NALF1: variants seen among roughly 807,000 people sequenced by gnomAD.
The protein encoded by NALF1 is family with sequence similarity 155 member A.
In NALF1, 3 loss-of-function variants were observed where a neutral mutation model predicts 48.4. The ratio of observed to expected loss-of-function variants is 0.06; its 90% CI spans 0.03 to 0.16. The LOEUF is 0.16. Ranked by LOEUF, NALF1 falls within the 10% of genes least tolerant of loss-of-function variation. NALF1 has a pLI of 1.00. For missense variants in NALF1, 526 were observed against 571.5 expected (o/e 0.92, Z 0.81); for synonymous variants, 262 against 245.7 (o/e 1.07, Z -0.62).
At chr13:107,545,119 A>C (rs551346937) in intron 1 of NALF1, among the ~76,000 whole-genome samples, 1 of 152,354 alleles carries the variant, frequency 6.6e-6, no homozygotes, top group Admixed American at 6.5e-5. Flanking sequence ...AGATGCAGTC[A>C]AGTTAAGATG....
intron 1 of NALF1, among the ~76,000 whole-genome samples, chr13:107,770,576 C>G (rs1877550749): frequency 6.6e-6 from 1 of 152,178 alleles, no homozygotes; most frequent in Non-Finnish European, 1.5e-5. Flanking sequence ...ACCATGGTTT[C>G]ACAAGTAAGT....
At chr13:107,542,642 C>T (rs181067630) in intron 1 of NALF1, among the ~76,000 whole-genome samples, 6 of 152,190 alleles carry the variant, frequency 3.9e-5, no homozygotes, top group Non-Finnish European at 8.8e-5. Context: ...AGTATAAAGT[C>T]TGAGCCCAAA....
intron 1 of NALF1, among the ~76,000 whole-genome samples, chr13:107,604,123 T>C: frequency 6.6e-6 from 1 of 152,140 alleles, no homozygotes; most frequent in East Asian, 1.9e-4. Context: ...AAAGTTAAAA[T>C]ATTAATACCG....
chr13:107,556,462 A>T (rs1355632939), intron 1 of NALF1, among the ~76,000 whole-genome samples: 2 of 151,658 alleles, frequency 1.3e-5, no homozygotes, highest in African/African-American at 4.8e-5. Flanking sequence ...GCCACACTGA[A>T]TTCATTATCT....
At chr13:107,482,528 A>T (rs1316722799) in intron 1 of NALF1, among the ~76,000 whole-genome samples, 1 of 152,194 alleles carries the variant, frequency 6.6e-6, no homozygotes, top group Admixed American at 6.5e-5. Context: ...CAAGGGAAGA[A>T]AGGGAGAAAC....
chr13:107,706,857 T>C (rs1008115229), intron 1 of NALF1, among the ~76,000 whole-genome samples: 7 of 152,160 alleles, frequency 4.6e-5, no homozygotes, highest in African/African-American at 7.2e-5. Context: ...ATACAACTGC[T>C]TAATTGTTGA....
At chr13:107,422,774 C>T (rs1884213297) in intron 1 of NALF1, among the ~76,000 whole-genome samples, 1 of 151,894 alleles carries the variant, frequency 6.6e-6, no homozygotes, top group South Asian at 2.1e-4. Flanking sequence ...TCTTGGTGGG[C>T]TTAATATAAT....
intron 1 of NALF1, among the ~76,000 whole-genome samples, chr13:107,288,467 G>A (rs573932155): frequency 2.0e-5 from 3 of 150,732 alleles, no homozygotes; most frequent in East Asian, 2.0e-4. Flanking sequence ...TGATTCACCC[G>A]CCTCAACCTC....
chr13:107,180,002 T>C (rs746195366), intron 2 of NALF1, among the ~76,000 whole-genome samples: 22 of 147,870 alleles, frequency 1.5e-4, no homozygotes, highest in African/African-American at 5.3e-4. Context: ...AAAGACTCTA[T>C]TTTCAAATAA....
intron 1 of NALF1, among the ~76,000 whole-genome samples, chr13:107,854,638 C>T (rs1351466534): frequency 6.6e-6 from 1 of 151,952 alleles, no homozygotes; most frequent in South Asian, 2.1e-4. Flanking sequence ...TTTGGGAGGC[C>T]GAGGCGGGCA....
intron 1 of NALF1, among the ~76,000 whole-genome samples, chr13:107,259,060 A>T (rs1301644163): frequency 6.6e-6 from 1 of 152,102 alleles, no homozygotes; most frequent in Non-Finnish European, 1.5e-5. Context: ...TTCCTTCATT[A>T]CATTTCCACG....
rs146300422 is a variant in NALF1, at chr13:107,416,501, C to G, written c.916-205746G>C. On this transcript the variant is annotated intron_variant, in intron 1 of 2. Coordinates refer to ENST00000375915, the MANE Select transcript of NALF1 (RefSeq NM_001080396.3). Reference sequence around the variant, plus strand: ...GGATGAAGACCTCTATGATTATCCACTTCCACTTAAATAATAGTAAATATA... The same window carrying G: ...GGATGAAGACCTCTATGATTATCCAGTTCCACTTAAATAATAGTAAATATA... Among the ~76,000 whole-genome samples, 10 of 152,272 alleles carry G rather than the reference C, an allele frequency of 6.6e-5. No individual in the cohort carries two copies. The East Asian group carries it at 1.9e-3, about 29-fold the overall frequency.
intron 1 of NALF1, among the ~76,000 whole-genome samples, chr13:107,821,162 G>C (rs907725049): frequency 1.3e-5 from 2 of 152,010 alleles, no homozygotes; most frequent in Non-Finnish European, 2.9e-5. Flanking sequence ...TTGTAGTTTT[G>C]TTGACATAGT....
intron 1 of NALF1, among the ~76,000 whole-genome samples, chr13:107,499,696 G>A (rs7338635): frequency 0.078 from 11,818 of 152,046 alleles, 608 homozygotes; most frequent in African/African-American, 0.13. Flanking sequence ...AGACCCAAGG[G>A]AAAAAATAAT....
intron 1 of NALF1, among the ~76,000 whole-genome samples, chr13:107,502,335 A>C (rs1412992794): frequency 6.6e-6 from 1 of 152,292 alleles, no homozygotes; most frequent in Non-Finnish European, 1.5e-5. Flanking sequence ...AAATGCAAAC[A>C]GTCTTTCTCC....
chr13:107,634,354 A>G (rs567380729), intron 1 of NALF1, among the ~76,000 whole-genome samples: 22 of 152,272 alleles, frequency 1.4e-4, no homozygotes, highest in Admixed American at 1.1e-3. Flanking sequence ...CCTAAAGCCC[A>G]TATTTCACCA....
chr13:107,679,442 T>C (rs1296989061), intron 1 of NALF1, among the ~76,000 whole-genome samples: 2 of 152,150 alleles, frequency 1.3e-5, no homozygotes, highest in African/African-American at 4.8e-5. Context: ...GGGGGCTGGG[T>C]GAGGGAGGGG....
At chr13:107,367,464 T>A (rs1046668876) in intron 1 of NALF1, among the ~76,000 whole-genome samples, 3 of 152,180 alleles carry the variant, frequency 2.0e-5, no homozygotes, top group African/African-American at 7.2e-5. Flanking sequence ...TGCTTGGATG[T>A]ATGAATCAGT....
intron 1 of NALF1, among the ~76,000 whole-genome samples, chr13:107,598,223 T>C (rs1878812164): frequency 6.6e-6 from 1 of 152,164 alleles, no homozygotes; most frequent in Admixed American, 6.5e-5. Context: ...TCCTTTCTAT[T>C]TAACTTCACA....
Sources: gnomAD v4.1 joint callset for allele counts (sites outside exome capture counted in the v4.1 genomes callset) on GRCh38, gnomAD v4.1.1 for gene constraint, MANE v1.5 for transcripts, NCBI Gene and HGNC (gene_info 2026-07-23, HGNC 2026-07-21) for gene names.